The following SLC8A2 variants were observed in gnomAD, a reference collection of about 807,000 sequenced individuals.
The protein encoded by SLC8A2 is sodium/calcium exchanger 2.
SLC8A2 carries 14 observed loss-of-function variants against 70.2 expected under a neutral mutation model. The observed-to-expected ratio is 0.20, with a 90% CI of 0.13 to 0.31. SLC8A2 has a LOEUF of 0.31. Among genes scored for constraint, SLC8A2 ranks in the 10% least tolerant of loss-of-function variants. The pLI is 1.00. For missense variants in SLC8A2, 779 were observed against 1,320.1 expected (o/e 0.59, Z 6.35); for synonymous variants, 575 against 594.3 (o/e 0.97, Z 0.47).
Position 47,447,818 on chromosome 19 carries a change from T to G in SLC8A2, c.1754A>C (p.Asp585Ala). 1 of 1,589,806 alleles carries G rather than the reference T, an allele frequency of 6.3e-7. No individual in the cohort carries two copies. Among genetic ancestry groups the G allele is most frequent in the Non-Finnish European group, 8.5e-7 (1 of 1,175,482 alleles). Reference protein sequence around the residue: ...DACGELEFGDDETMKTLQVKI... With the variant: ...DACGELEFGDAETMKTLQVKI... The stretch of plus-strand genomic sequence containing the variant: ...CCTCGGGCGTGCTCACATGGTCTCG[T>G]CGTCGCCAAACTCCAGCTCTCCGCA... The change falls in exon 4 of 10, where the codon GAC (aspartate) becomes GCC (alanine). Residue 585 changes from aspartate (D) to alanine (A), a missense_variant. This residue lies in a region of SLC8A2 where 247 missense variants were observed against 362.8 expected (regional missense o/e 0.68). Coordinates refer to ENST00000236877, the MANE Select transcript of SLC8A2 (RefSeq NM_015063.3). The surrounding 1 kb of genome is among the most constrained non-coding windows in gnomAD (Gnocchi z 5.1).
intron 6 of SLC8A2, among the ~76,000 whole-genome samples, chr19:47,438,911 C>T (rs1029916616): frequency 2.6e-5 from 4 of 152,202 alleles, no homozygotes; most frequent in East Asian, 3.8e-4. Flanking sequence ...CTTGACCACA[C>T]GGCAGAAGCT....
chr19:47,441,346 C>T lies in SLC8A2; in HGVS notation c.1858G>A (p.Gly620Arg), dbSNP rs1273265592. Residue 620 changes from glycine (G) to arginine (R), a missense_variant, in exon 5 of 10, where the codon GGG (glycine) becomes AGG (arginine). By Grantham distance (125) the Gly-to-Arg change is moderately radical. This residue lies in a region of SLC8A2 where 247 missense variants were observed against 362.8 expected (regional missense o/e 0.68). Coordinates refer to ENST00000236877, the MANE Select transcript of SLC8A2 (RefSeq NM_015063.3). ...ELGQPQWLKR[G>R]ISALLLNQGD... ...ACTGGTCACCCCTCACCTGAAATCC[C>T]TCGCTTAAGCCACTGGGGCTGGCCC... 1.2e-6 allele frequency: 2 copies of T among 1,612,730 alleles called. No individual in the cohort carries two copies. Among genetic ancestry groups the T allele is most frequent in the Non-Finnish European group, 1.7e-6 (2 of 1,178,838 alleles).
In SLC8A2 at chr19:47,432,588, T is replaced by C. The variant is rs1344784380; in HGVS notation, c.2111-143A>G. The C allele has an allele frequency of 9.3e-6, 7 of 755,972 alleles. No individual in the cohort carries two copies. The highest frequency in any genetic ancestry group is 1.4e-5 in the Non-Finnish European group (7 of 486,830). 46.8% of individuals were successfully genotyped at this position (755,972 alleles called of 1,614,324 possible). A position where few individuals can be genotyped will look rare whatever the true frequency, so the allele number is the denominator to read the frequency against. On this transcript the variant is annotated intron_variant, in intron 8 of 9. Coordinates refer to ENST00000236877, the MANE Select transcript of SLC8A2 (RefSeq NM_015063.3). The surrounding 1 kb of genome is among the most constrained non-coding windows in gnomAD (Gnocchi z 6.2). ...TCCCTTGCACCTACCTGTGGCCAAG[T>C]CAACTGCTAAAAACAGTTACTTTCC...
chr19:47,465,842 C>T lies in SLC8A2; in HGVS notation c.562G>A (p.Glu188Lys), dbSNP rs775530522. 3.1e-6 allele frequency: 5 copies of T among 1,614,166 alleles called. No individual in the cohort carries two copies. Among genetic ancestry groups the T allele is most frequent in the Non-Finnish European group, 4.2e-6 (5 of 1,180,032 alleles). ...CTCAGGTGCTTGATCTTGCGGCTCT[C>T]GCCGGCTGGGATGACGTAGATGCAC... ...AVCIYVIPAG[E>K]SRKIKHLRVF... The change falls in exon 2 of 10, where the codon GAG becomes AAG. Residue 188 changes from glutamate (E) to lysine (K), a missense_variant. Glu to Lys is a moderately conservative substitution (Grantham distance 56, BLOSUM62 1). Transcript: ENST00000236877. This position sits in a 1 kb window ranked among gnomAD's most constrained non-coding sequence, Gnocchi z 5.5.
intron 3 of SLC8A2, among the ~76,000 whole-genome samples, chr19:47,452,428 GA>G (rs1967250104): frequency 8.7e-6 from 1 of 114,702 alleles, no homozygotes; most frequent in Admixed American, 9.8e-5. Flanking sequence ...GAGAGAGAGA[GA>G]GAGAGAGAGA....
chr19:47,448,788 G>A lies in SLC8A2; in HGVS notation c.1341-557C>T, dbSNP rs1315943148. On this transcript the variant is annotated intron_variant, in intron 3 of 9. Transcript: ENST00000236877. This position sits in a 1 kb window ranked among gnomAD's most constrained non-coding sequence, Gnocchi z 4.8. ...TGGCAGGGATATAGGACCCAGAAAGGACTCTGTCATTCCTCTGATAAAAAC... is the reference window on the plus strand; with the variant it reads ...TGGCAGGGATATAGGACCCAGAAAGAACTCTGTCATTCCTCTGATAAAAAC... 6.6e-6 allele frequency among the ~76,000 whole-genome samples: 1 copy of A among 152,164 alleles called. No homozygotes were observed. The highest frequency in any genetic ancestry group is 2.4e-5 in the African/African-American group (1 of 41,426).
At chr19:47,437,676 C>A in intron 7 of SLC8A2, 115 bp from the exon 8 acceptor site, 1 of 1,144,852 alleles carries the variant, frequency 8.7e-7, no homozygotes. Context: ...CAACTTTCCA[C>A]ACCCCCGTTC....
rs41275766 is a variant in SLC8A2, at chr19:47,428,815, C to G, written c.*1274G>C. 2,037 of 152,592 alleles carry G rather than the reference C, an allele frequency of 0.013. 21 individuals are homozygous for G. Among genetic ancestry groups the G allele is most frequent in the Non-Finnish European group, 0.019 (1,310 of 68,038 alleles). The allele number at this position is 152,592 out of a possible 1,614,324, so 9.5% of individuals were successfully genotyped here. A position where few individuals can be genotyped will look rare whatever the true frequency, so the allele number is the denominator to read the frequency against. Reference sequence around the variant, plus strand: ...AACAGGACGATAGAATGCTGAAAACCTGTGGGAAGCAGAAAGTTATGGGGG... The same window carrying G: ...AACAGGACGATAGAATGCTGAAAACGTGTGGGAAGCAGAAAGTTATGGGGG... On this transcript the variant is annotated 3_prime_UTR_variant, in exon 10 of 10. Coordinates refer to ENST00000236877, the MANE Select transcript of SLC8A2 (RefSeq NM_015063.3).
chr19:47,466,399 G>T lies in SLC8A2; in HGVS notation c.5C>A (p.Ala2Asp). The T allele has an allele frequency of 1.4e-6, 2 of 1,397,488 alleles. No homozygotes were observed. Among genetic ancestry groups the T allele is most frequent in the Non-Finnish European group, 1.9e-6 (2 of 1,064,176 alleles). 86.6% of individuals were successfully genotyped at this position (1,397,488 alleles called of 1,614,324 possible). A position where few individuals can be genotyped will look rare whatever the true frequency, so the allele number is the denominator to read the frequency against. Residue 2 changes from alanine (A) to aspartate (D), a missense_variant, in exon 2 of 10, where the codon GCT becomes GAT. Ala to Asp is a moderately radical substitution (Grantham distance 126). This residue lies in a region of SLC8A2 where 65 missense variants were observed against 61.3 expected (regional missense o/e 1.06). Transcript: ENST00000236877. The surrounding 1 kb of genome is among the most constrained non-coding windows in gnomAD (Gnocchi z 6.9). M[A>D]PLALVGVTLL... The stretch of plus-strand genomic sequence containing the variant: ...TGTGACCCCCACCAAGGCCAGGGGA[G>T]CCATGGGGGGTGGTGGGGTCCTATG...
At chr19:47,435,726 T>G (rs1402161727) in intron 8 of SLC8A2, among the ~76,000 whole-genome samples, 2 of 152,112 alleles carry the variant, frequency 1.3e-5, no homozygotes, top group Non-Finnish European at 1.5e-5. Flanking sequence ...TTTTGTATTT[T>G]TAGTAGAGAC....
At chr19:47,449,696 G>A (rs1324258394) in intron 3 of SLC8A2, among the ~76,000 whole-genome samples, 3 of 152,188 alleles carry the variant, frequency 2.0e-5, no homozygotes, top group Non-Finnish European at 4.4e-5. Flanking sequence ...CCGGACAGGG[G>A]ACAGGATCTG....
chr19:47,435,117 G>A (rs1967009667), intron 8 of SLC8A2, among the ~76,000 whole-genome samples: 2 of 151,934 alleles, frequency 1.3e-5, no homozygotes, highest in South Asian at 4.2e-4. Flanking sequence ...GCTGAGTCAG[G>A]AGGATCGCTT....
Position 47,448,067 on chromosome 19 carries a change from GGCCGCCC to G in SLC8A2, c.1498_1504del (p.Gly500ProfsTer33). On this transcript the variant is annotated frameshift_variant, in exon 4 of 10. Coordinates refer to ENST00000236877, the MANE Select transcript of SLC8A2 (RefSeq NM_015063.3). LOFTEE classifies it high-confidence loss of function. This position sits in a 1 kb window ranked among gnomAD's most constrained non-coding sequence, Gnocchi z 4.8. ...CAGCGGCGCCACCAGCCGCCCCTTGGGCCGCCCGCCGCCGTCCGGCTCGAACATGCCC... is the reference window on the plus strand; with the variant it reads ...CAGCGGCGCCACCAGCCGCCCCTTGGGCCGCCGTCCGGCTCGAACATGCCC... 1 of 1,587,386 alleles carries G rather than the reference GGCCGCCC, an allele frequency of 6.3e-7. No individual in the cohort carries two copies.
chr19:47,463,124 G>A lies in SLC8A2; in HGVS notation c.675+2605C>T, dbSNP rs1967416062. ...TCCAGGTGGAAATGCAGACTGTTCT[G>A]TTAGAAACCTTTTCTTTTTTTTTTT... On this transcript the variant is annotated intron_variant, in intron 2 of 9. Coordinates refer to ENST00000236877, the MANE Select transcript of SLC8A2 (RefSeq NM_015063.3). Among the ~76,000 whole-genome samples, 2 of 151,230 alleles carry A rather than the reference G, an allele frequency of 1.3e-5. 1 individual carries two copies. Among genetic ancestry groups the A allele is most frequent in the East Asian group, 3.9e-4 (2 of 5,086 alleles).
chr19:47,470,387 A>C (rs948924909), intron 1 of SLC8A2, among the ~76,000 whole-genome samples: 1 of 147,616 alleles, frequency 6.8e-6, no homozygotes, highest in African/African-American at 2.5e-5. Context: ...ACACACACAC[A>C]CCAGGGCTAC....
intron 6 of SLC8A2, among the ~76,000 whole-genome samples, chr19:47,439,549 G>A (rs1366842981): frequency 2.0e-5 from 3 of 151,258 alleles, no homozygotes; most frequent in Non-Finnish European, 4.4e-5. Context: ...GACAAACAAA[G>A]AAACAAAAAA....
At chr19:47,453,074 T>C (rs879382688) in intron 3 of SLC8A2, among the ~76,000 whole-genome samples, 10 of 152,138 alleles carry the variant, frequency 6.6e-5, no homozygotes, top group Non-Finnish European at 1.3e-4. Context: ...TCTAGAATCT[T>C]AGAACTTCAG....
At position 47,456,995 on chromosome 19, in the gene SLC8A2, G is replaced by A. The variant is rs752227694; in HGVS notation, c.1275C>T (p.Ser425=). ...SVTCQGGEGN[S]TFYVDYRTED... is the part of the protein sequence containing the mutation. ...CAGTGCGGTAGTCCACGTAGAAGGT[G>A]CTGTTGCCCTCGCCGCCCTGGCACG... is the stretch of plus-strand genomic sequence containing the variant. The change falls in exon 3 of 10, where the codon AGC becomes AGT. Residue 425 remains serine, a synonymous_variant. Coordinates refer to ENST00000236877, the MANE Select transcript of SLC8A2 (RefSeq NM_015063.3). The A allele has an allele frequency of 6.2e-7, 1 of 1,612,938 alleles. No homozygotes were observed. Among genetic ancestry groups the A allele is most frequent in the Non-Finnish European group, 8.5e-7 (1 of 1,179,638 alleles).
chr19:47,461,381 C>T lies in SLC8A2; in HGVS notation c.676-3787G>A, dbSNP rs570714097. Among the ~76,000 whole-genome samples the T allele has an allele frequency of 4.6e-5, 7 of 151,886 alleles. No individual in the cohort carries two copies. The South Asian group carries it at 1.3e-3, about 27-fold the overall frequency. The stretch of plus-strand genomic sequence containing the variant: ...AAAATCAGCCAGGTGTGGTGGCGTG[C>T]GCCTGTAATTCCAGCTATTAGGAAG... On this transcript the variant is annotated intron_variant, in intron 2 of 9. Transcript: ENST00000236877.
Sources: allele counts gnomAD v4.1 joint callset (sites outside exome capture counted in the v4.1 genomes callset), GRCh38; gene constraint gnomAD v4.1.1; regional missense constraint gnomAD v4.1.1; non-coding constraint Gnocchi (gnomAD v3.1); transcripts MANE v1.5; gene names NCBI Gene and HGNC (gene_info 2026-07-23, HGNC 2026-07-21).